Variants in WFDC11 observed in about 807,000 individuals in gnomAD.
WFDC11 encodes protein WFDC11.
A neutral mutation model predicts 9.9 loss-of-function variants in WFDC11; 9 were observed. That is an observed-to-expected ratio of 0.91 (90% CI 0.55 to 1.58). The LOEUF is 1.58. Ranked by LOEUF, WFDC11 falls within the 40% of genes most tolerant of loss-of-function variation. The probability of loss-of-function intolerance (pLI) is 0.00; values close to 1 mark genes in which losing one functional copy is unlikely to be tolerated. For missense variants in WFDC11, 106 were observed against 101.7 expected (o/e 1.04, Z -0.18); for synonymous variants, 32 against 33.3 (o/e 0.96, Z 0.13).
At chr20:45,658,211 G>T (rs1381596079) in intron 2 of WFDC11, among the ~76,000 whole-genome samples, 1 of 144,492 alleles carries the variant, frequency 6.9e-6, no homozygotes, top group African/African-American at 2.9e-5. Flanking sequence ...TTATTATTTG[G>T]TGTGTGTGTG....
At chr20:45,660,139 A>G (rs1983023855) in intron 2 of WFDC11, among the ~76,000 whole-genome samples, 1 of 151,964 alleles carries the variant, frequency 6.6e-6, no homozygotes, top group Non-Finnish European at 1.5e-5. Flanking sequence ...AGTCTTTTTG[A>G]TGTAGGCATT....
chr20:45,659,326 C>A (rs754900567), intron 2 of WFDC11, among the ~76,000 whole-genome samples: 8 of 152,212 alleles, frequency 5.3e-5, no homozygotes, highest in Non-Finnish European at 1.0e-4. Flanking sequence ...TACAGTCCCA[C>A]CAACAGTGTA....
chr20:45,663,383 G>C (rs1276710801), intron 2 of WFDC11, among the ~76,000 whole-genome samples: 2 of 152,050 alleles, frequency 1.3e-5, no homozygotes, highest in African/African-American at 2.4e-5. Context: ...CCAGCTCCTG[G>C]ATTTATTGAT....
Position 45,648,749 on chromosome 20 carries a change from A to C in WFDC11, c.244-10T>G, listed in dbSNP as rs1254963235. 7.4e-6 allele frequency: 12 copies of C among 1,613,926 alleles called. No individual in the cohort carries two copies. The highest frequency in any genetic ancestry group is 1.3e-5 in the African/African-American group (1 of 74,942). ...AATCTCCACTGGTTTCCTGTAAAAC[A>C]AAAAGGTTAGATTTTTAGAGGCTAG... On this transcript the variant is annotated splice_polypyrimidine_tract_variant and intron_variant, in intron 4 of 4. Transcript: ENST00000324384.
At chr20:45,653,006 C>T (rs1982845505) in intron 2 of WFDC11, among the ~76,000 whole-genome samples, 1 of 152,206 alleles carries the variant, frequency 6.6e-6, no homozygotes, top group African/African-American at 2.4e-5. Context: ...GGAAAACACT[C>T]TGCAGGATAT....
chr20:45,661,146 T>C (rs1447801357), intron 2 of WFDC11, among the ~76,000 whole-genome samples: 1 of 152,214 alleles, frequency 6.6e-6, no homozygotes, highest in Non-Finnish European at 1.5e-5. Context: ...GTGGTTTTGA[T>C]TTGCATTTCT....
chr20:45,669,248 G>T (rs1160674303), intron 1 of WFDC11, among the ~76,000 whole-genome samples: 1 of 152,110 alleles, frequency 6.6e-6, no homozygotes, highest in Non-Finnish European at 1.5e-5. Flanking sequence ...CTAACTCCAT[G>T]ACCTTGGGTA....
chr20:45,650,438 C>G (rs1982781277), intron 3 of WFDC11, 63 bp downstream of exon 3: 7 of 1,371,042 alleles, frequency 5.1e-6, no homozygotes, highest in Non-Finnish European at 5.2e-6. Flanking sequence ...ATGAAACCCC[C>G]TCCCTTGTTC....
At chr20:45,668,989 G>A (rs145796853) in intron 1 of WFDC11, among the ~76,000 whole-genome samples, 3 of 152,094 alleles carry the variant, frequency 2.0e-5, no homozygotes, top group Admixed American at 6.5e-5. Flanking sequence ...ATAATGTTTA[G>A]GCTATACTTG....
At chr20:45,665,914 G>T (rs138715821) in intron 2 of WFDC11, among the ~76,000 whole-genome samples, 1 of 152,326 alleles carries the variant, frequency 6.6e-6, no homozygotes, top group Non-Finnish European at 1.5e-5. Flanking sequence ...TCTGTTCTCA[G>T]AGCTCAAACA....
chr20:45,663,574 A>G (rs1432344817), intron 2 of WFDC11, among the ~76,000 whole-genome samples: 2 of 152,114 alleles, frequency 1.3e-5, no homozygotes, highest in Non-Finnish European at 2.9e-5. Context: ...AGTGCTATAA[A>G]TTTCCCTCTA....
intron 2 of WFDC11, 64 bp from the exon 3 acceptor site, chr20:45,650,715 T>C (rs1600935477): frequency 1.2e-6 from 1 of 854,512 alleles, no homozygotes; most frequent in East Asian, 2.6e-5. Flanking sequence ...GCTTGTCGAA[T>C]TTCTTCATTC....
chr20:45,652,364 C>T (rs942401028), intron 2 of WFDC11, among the ~76,000 whole-genome samples: 1 of 152,200 alleles, frequency 6.6e-6, no homozygotes, highest in Non-Finnish European at 1.5e-5. Context: ...AGACCTGCAG[C>T]TGAGGGTCCT....
intron 2 of WFDC11, among the ~76,000 whole-genome samples, chr20:45,660,861 G>C (rs1983044165): frequency 6.6e-6 from 1 of 152,108 alleles, no homozygotes; most frequent in Non-Finnish European, 1.5e-5. Context: ...ATTGTGAATA[G>C]TGCCTCAATA....
intron 2 of WFDC11, among the ~76,000 whole-genome samples, chr20:45,654,765 A>T (rs1486400172): frequency 6.6e-6 from 1 of 152,234 alleles, no homozygotes; most frequent in Non-Finnish European, 1.5e-5. Context: ...CACCGATCCC[A>T]CAGAAATACA....
At chr20:45,666,448 C>T (rs1336955613) in intron 2 of WFDC11, among the ~76,000 whole-genome samples, 1 of 152,250 alleles carries the variant, frequency 6.6e-6, no homozygotes, top group East Asian at 1.9e-4. Flanking sequence ...CAACCAGTCC[C>T]AGTGAGATGA....
chr20:45,664,583 T>G (rs1029729564), intron 2 of WFDC11, among the ~76,000 whole-genome samples: 5 of 152,252 alleles, frequency 3.3e-5, no homozygotes, highest in African/African-American at 9.6e-5. Flanking sequence ...CGTTTAGTGC[T>G]TCCTTCAGGG....
At position 45,649,335 on chromosome 20, in the gene WFDC11, A is replaced by G. The variant is rs759668399; in HGVS notation, c.165T>C (p.Cys55=). 2 of 1,614,064 alleles carry G rather than the reference A, an allele frequency of 1.2e-6. No homozygotes were observed. The highest frequency in any genetic ancestry group is 1.7e-6 in the Non-Finnish European group (2 of 1,180,038). Residue 55 remains cysteine (C), a synonymous_variant, in exon 4 of 5, where the codon TGT becomes TGC. Transcript: ENST00000324384. ...KPNVKECTNK[C]SKAFRCKDKN... The stretch of plus-strand genomic sequence containing the variant: ...TGTCTTTACATCTAAAGGCTTTAGA[A>G]CACTTATTGGTACATTCTTTGACAT...
At chr20:45,652,736 G>A (rs1363656809) in intron 2 of WFDC11, among the ~76,000 whole-genome samples, 1 of 152,142 alleles carries the variant, frequency 6.6e-6, no homozygotes, top group Admixed American at 6.5e-5. Context: ...AGTCCTTAAA[G>A]GAATTCTGAT....
Sources: gnomAD v4.1 joint callset for allele counts (sites outside exome capture counted in the v4.1 genomes callset) on GRCh38, gnomAD v4.1.1 for gene constraint, MANE v1.5 for transcripts, NCBI Gene and HGNC (gene_info 2026-07-23, HGNC 2026-07-21) for gene names.